SPOCK1: variants seen among roughly 807,000 people sequenced by gnomAD.
SPOCK1 encodes the protein SPARC (osteonectin), cwcv and kazal like domains proteoglycan 1.
In SPOCK1, 23 loss-of-function variants were observed where a neutral mutation model predicts 55.3. The observed-to-expected ratio is 0.42, with a 90% CI of 0.30 to 0.59. SPOCK1 has a LOEUF of 0.59. Among genes scored for constraint, SPOCK1 ranks in the 20% least tolerant of loss-of-function variants. SPOCK1 has a pLI of 0.22. For missense variants in SPOCK1, 499 were observed against 552.5 expected (o/e 0.90, Z 0.97); for synonymous variants, 226 against 221.0 (o/e 1.02, Z -0.20).
At chr5:137,060,096 G>A (rs1279691352) in intron 6 of SPOCK1, among the ~76,000 whole-genome samples, 1 of 152,138 alleles carries the variant, frequency 6.6e-6, no homozygotes, top group Non-Finnish European at 1.5e-5. Context: ...TCCCATTATT[G>A]GGTATTTACC....
At chr5:137,207,883 T>C (rs1328641905) in intron 3 of SPOCK1, among the ~76,000 whole-genome samples, 1 of 152,226 alleles carries the variant, frequency 6.6e-6, no homozygotes, top group Non-Finnish European at 1.5e-5. Flanking sequence ...TCCACAATCC[T>C]ACACGGTTTA....
intron 2 of SPOCK1, among the ~76,000 whole-genome samples, chr5:137,469,365 T>A (rs1321088487): frequency 2.0e-5 from 3 of 152,196 alleles, no homozygotes; most frequent in Non-Finnish European, 2.9e-5. Context: ...ACCTTTAAAT[T>A]CAACAGCTTT....
At chr5:137,013,081 CA>C (rs1751384303) in intron 6 of SPOCK1, among the ~76,000 whole-genome samples, 1 of 152,150 alleles carries the variant, frequency 6.6e-6, no homozygotes, top group African/African-American at 2.4e-5. Flanking sequence ...GAGAGAGAGA[CA>C]GGGGAAGGTA....
intron 3 of SPOCK1, among the ~76,000 whole-genome samples, chr5:137,183,131 C>T (rs190967351): frequency 7.2e-5 from 11 of 152,218 alleles, no homozygotes; most frequent in African/African-American, 2.4e-4. Flanking sequence ...TATATCCTTC[C>T]AAGCATCCAT....
chr5:136,994,844 C>CA lies in SPOCK1; in HGVS notation c.590-2245dup, dbSNP rs375650577. Among the ~76,000 whole-genome samples, 485 of 151,900 alleles carry CA rather than the reference C, an allele frequency of 3.2e-3. 5 individuals carry two copies. Among genetic ancestry groups the CA allele is most frequent in the African/African-American group, 0.011 (468 of 41,424 alleles). On this transcript the variant is annotated intron_variant, in intron 6 of 10. Coordinates refer to ENST00000394945, the MANE Select transcript of SPOCK1 (RefSeq NM_004598.4). ...AACATGGTGAAAACTTGTCTCTGCT[C>CA]AAAATACAAAATTAGCCAGTCATGG...
At chr5:137,275,669 A>G (rs1000832392) in intron 2 of SPOCK1, among the ~76,000 whole-genome samples, 3 of 152,226 alleles carry the variant, frequency 2.0e-5, no homozygotes, top group African/African-American at 4.8e-5. Context: ...ACAGAACATC[A>G]GGGGCCTTCT....
chr5:137,033,495 C>T (rs934540899), intron 6 of SPOCK1, among the ~76,000 whole-genome samples: 1 of 152,190 alleles, frequency 6.6e-6, no homozygotes, highest in African/African-American at 2.4e-5. Context: ...CATGTTCATG[C>T]CATCCTTCCC....
At chr5:137,242,569 C>T (rs1328390243) in intron 3 of SPOCK1, among the ~76,000 whole-genome samples, 1 of 152,118 alleles carries the variant, frequency 6.6e-6, no homozygotes, top group African/African-American at 2.4e-5. Context: ...ACACTTGTCT[C>T]TACCAAAAAA....
chr5:137,056,439 C>T (rs1202262381), intron 6 of SPOCK1, among the ~76,000 whole-genome samples: 1 of 151,968 alleles, frequency 6.6e-6, no homozygotes, highest in South Asian at 2.1e-4. Flanking sequence ...TCCTGGAGTG[C>T]AAAAACTCCC....
At chr5:137,398,672 T>C (rs1751908209) in intron 2 of SPOCK1, among the ~76,000 whole-genome samples, 1 of 152,214 alleles carries the variant, frequency 6.6e-6, no homozygotes, top group Non-Finnish European at 1.5e-5. Flanking sequence ...TAATTGATTC[T>C]CTAATTTGAA....
At chr5:137,160,053 G>A (rs933089031) in intron 3 of SPOCK1, among the ~76,000 whole-genome samples, 1 of 151,804 alleles carries the variant, frequency 6.6e-6, no homozygotes, top group African/African-American at 2.4e-5. Flanking sequence ...AGATTTTGGT[G>A]TACCCTTCAC....
intron 6 of SPOCK1, among the ~76,000 whole-genome samples, chr5:136,997,601 C>T (rs752641285): frequency 6.6e-6 from 1 of 152,208 alleles, no homozygotes; most frequent in African/African-American, 2.4e-5. Context: ...GTATCTGCTC[C>T]TCCTCAACCT....
intron 3 of SPOCK1, among the ~76,000 whole-genome samples, chr5:137,154,716 G>A (rs375231708): frequency 1.3e-5 from 2 of 152,244 alleles, no homozygotes; most frequent in Middle Eastern, 3.4e-3. Flanking sequence ...TCATCATAAT[G>A]CCCTCACAGA....
chr5:137,065,558 C>T (rs1464793633), intron 6 of SPOCK1, among the ~76,000 whole-genome samples: 1 of 152,176 alleles, frequency 6.6e-6, no homozygotes, highest in African/African-American at 2.4e-5. Context: ...TAAAAGCAAA[C>T]TGTTGACCCA....
chr5:137,191,800 T>C (rs78829583), intron 3 of SPOCK1, among the ~76,000 whole-genome samples: 2 of 152,140 alleles, frequency 1.3e-5, no homozygotes, highest in Admixed American at 1.3e-4. Flanking sequence ...ACCTAAAGTC[T>C]ACTAGTCTTA....
intron 4 of SPOCK1, among the ~76,000 whole-genome samples, chr5:137,122,413 G>A (rs755123264): frequency 2.6e-5 from 4 of 152,204 alleles, no homozygotes; most frequent in Non-Finnish European, 4.4e-5. Flanking sequence ...ATAATAGTTA[G>A]TGATGCGCTC....
chr5:137,015,285 CA>C lies in SPOCK1; in HGVS notation c.590-22686del, dbSNP rs11440015. On this transcript the variant is annotated intron_variant, in intron 6 of 10. Coordinates refer to ENST00000394945, the MANE Select transcript of SPOCK1 (RefSeq NM_004598.4). ...TGAAACCCCATCTCTACTAAAAATA[CA>C]AAAAAAAAAAAAAATTAGCCAGGCA... Among the ~76,000 whole-genome samples the C allele has an allele frequency of 4.6e-3, 647 of 139,322 alleles. 16 individuals carry two copies. The highest frequency in any genetic ancestry group is 0.031 in the South Asian group (135 of 4,336). 91.4% of individuals were successfully genotyped at this position (139,322 alleles called of 152,430 possible). A position where few individuals can be genotyped will look rare whatever the true frequency, so the allele number is the denominator to read the frequency against.
chr5:137,382,943 T>C (rs1580896040), intron 2 of SPOCK1, among the ~76,000 whole-genome samples: 1 of 152,178 alleles, frequency 6.6e-6, no homozygotes, highest in East Asian at 1.9e-4. Context: ...AAGTAAAAAA[T>C]GGCCTTTTTG....
chr5:136,987,874 A>C (rs1342945580), intron 8 of SPOCK1, among the ~76,000 whole-genome samples: 1 of 152,068 alleles, frequency 6.6e-6, no homozygotes, highest in Non-Finnish European at 1.5e-5. Context: ...CAGCAGGCCA[A>C]CCTGTCTGAC....
Sources: gnomAD v4.1 joint callset for allele counts (sites outside exome capture counted in the v4.1 genomes callset) on GRCh38, gnomAD v4.1.1 for gene constraint, MANE v1.5 for transcripts, NCBI Gene and HGNC (gene_info 2026-07-23, HGNC 2026-07-21) for gene names.